ARFGAP2: variants seen among roughly 807,000 people sequenced by gnomAD.
The protein encoded by ARFGAP2 is ARF GTPase activating protein 2.
Under a neutral mutation model 71.9 loss-of-function variants are expected in ARFGAP2, and 45 were observed. The observed-to-expected ratio is 0.63, with a 90% confidence interval of 0.49 to 0.80. The LOEUF (loss-of-function observed/expected upper bound fraction) is 0.80, where lower values mean the gene tolerates loss of function less well. Ranked by LOEUF, ARFGAP2 falls within the 30% of genes least tolerant of loss-of-function variation. The pLI, the probability that ARFGAP2 is intolerant of heterozygous loss-of-function variation, is 0.00. For missense variants in ARFGAP2, 633 were observed against 673.9 expected (o/e 0.94, Z 0.67); for synonymous variants, 248 against 249.2 (o/e 1.00, Z 0.05).
intron 13 of ARFGAP2, 55 bp downstream of exon 13, chr11:47,166,704 GA>G (rs1952394019): frequency 6.2e-7 from 1 of 1,601,868 alleles, no homozygotes; most frequent in African/African-American, 1.3e-5. Context: ...GCGGCAGGGA[GA>G]AAGCTCATGC....
In ARFGAP2 at chr11:47,165,608, GGAGGCAGGGGCTGGACAGCCCGGT is replaced by G; in HGVS notation, c.1546-130_1546-107del. On this transcript the variant is annotated intron_variant, in intron 15 of 15. Coordinates refer to ENST00000524782, the MANE Select transcript of ARFGAP2 (RefSeq NM_032389.6). The stretch of plus-strand genomic sequence containing the variant: ...CCCCAGCACCCCACAGCAAGACTGG[GGAGGCAGGGGCTGGACAGCCCGGT>G]GAGGCAGGAGTCCACGGTGAGAGCT... 10 of 1,289,144 alleles carry G rather than the reference GGAGGCAGGGGCTGGACAGCCCGGT, an allele frequency of 7.8e-6. No homozygotes were observed. In the South Asian group the frequency reaches 1.4e-4, roughly 18 times the overall value. The allele number at this position is 1,289,144 out of a possible 1,614,324, so 79.9% of individuals were successfully genotyped here. A position where few individuals can be genotyped will look rare whatever the true frequency, so the allele number is the denominator to read the frequency against.
At chr11:47,165,539 A>T in intron 15 of ARFGAP2, 37 bp from the exon 16 acceptor site, 1 of 1,534,800 alleles carries the variant, frequency 6.5e-7, no homozygotes, top group Non-Finnish European at 8.7e-7. Flanking sequence ...AAAAAAAGTC[A>T]GAGGCTCTAA....
At position 47,176,704 on chromosome 11, in the gene ARFGAP2, A is replaced by T. The variant is rs560636654; in HGVS notation, c.73-70T>A. 221 of 1,611,346 alleles carry T rather than the reference A, an allele frequency of 1.4e-4. 1 individual carries two copies. In the South Asian group the frequency reaches 2.3e-3, roughly 17 times the overall value. ...AAGGCCAGGCACCGACACCCCAGAAACATAACCCACCTCCGCCCTTCTCCC... is the reference window on the plus strand; with the variant it reads ...AAGGCCAGGCACCGACACCCCAGAATCATAACCCACCTCCGCCCTTCTCCC... On this transcript the variant is annotated intron_variant, in intron 1 of 15. Transcript: ENST00000524782.
intron 13 of ARFGAP2, 72 bp from the exon 14 acceptor site, chr11:47,166,671 T>G (rs1301984197): frequency 1.2e-6 from 2 of 1,600,594 alleles, no homozygotes; most frequent in Middle Eastern, 1.7e-4. Flanking sequence ...GGCCAGGCCC[T>G]CCTGGTGCTA....
chr11:47,174,903 A>C, intron 5 of ARFGAP2, 112 bp downstream of exon 5: 1 of 1,158,588 alleles, frequency 8.6e-7, no homozygotes, highest in Non-Finnish European at 1.3e-6. Flanking sequence ...CGTGGTGTCC[A>C]AGACATCACA....
intron 7 of ARFGAP2, chr11:47,173,073 G>A (rs879870477): frequency 5.1e-6 from 2 of 392,190 alleles, no homozygotes; most frequent in African/African-American, 2.1e-5. Context: ...GCTCAGAGCT[G>A]TCCCTCCACC....
chr11:47,171,315 A>C, intron 10 of ARFGAP2, 111 bp downstream of exon 10: 3 of 1,512,290 alleles, frequency 2.0e-6, no homozygotes, highest in Non-Finnish European at 2.7e-6. Context: ...CAAGTGATCT[A>C]TTCAGACTTG....
At chr11:47,172,413 T>C in intron 7 of ARFGAP2, 80 bp from the exon 8 acceptor site, 8 of 1,497,922 alleles carry the variant, frequency 5.3e-6, no homozygotes, top group East Asian at 2.3e-5. Context: ...TGCAGCTTCA[T>C]GGCAAGAGCT....
chr11:47,166,695 C>A, intron 13 of ARFGAP2, 65 bp downstream of exon 13: 1 of 1,598,890 alleles, frequency 6.3e-7, no homozygotes, highest in Non-Finnish European at 8.5e-7. Flanking sequence ...CCCAAAGCAG[C>A]GGCAGGGAGA....
chr11:47,176,219 TAACAACATATC>T, intron 2 of ARFGAP2: 1 of 586,748 alleles, frequency 1.7e-6, no homozygotes, highest in Non-Finnish European at 3.0e-6. Context: ...CATACTGGTC[TAACAACATATC>T]AGCAACAACA....
chr11:47,176,524 G>A lies in ARFGAP2; in HGVS notation c.183C>T (p.Ser61=), dbSNP rs536434664. 117 of 1,613,484 alleles carry A rather than the reference G, an allele frequency of 7.3e-5. 2 individuals are homozygous for A. In the South Asian group the frequency reaches 1.2e-3, roughly 17 times the overall value. The change falls in exon 2 of 16, where the codon AGC becomes AGT. Residue 61 remains serine (S), a synonymous_variant. Coordinates refer to ENST00000524782, the MANE Select transcript of ARFGAP2 (RefSeq NM_032389.6). ...CCGCGCGGAGAGCCTACCTGATGAA[G>A]CTCAGATGGACGCCCAGGGAGCGGT... is the stretch of plus-strand genomic sequence containing the variant. ...GVHRSLGVHL[S]FIRSTELDSN...
intron 2 of ARFGAP2, chr11:47,176,249 G>A (rs1952815471): frequency 1.7e-6 from 1 of 588,860 alleles, no homozygotes; most frequent in South Asian, 2.1e-5. Flanking sequence ...CAAGGTCAAT[G>A]CCTCCCTTTC....
intron 14 of ARFGAP2, 50 bp from the exon 15 acceptor site, chr11:47,166,436 A>G (rs761615552): frequency 5.0e-6 from 8 of 1,610,770 alleles, no homozygotes; most frequent in African/African-American, 1.3e-5. Flanking sequence ...AGCCCTTCCC[A>G]GTCACAGCAG....
chr11:47,166,052 C>T (rs1374234603), intron 15 of ARFGAP2, among the ~76,000 whole-genome samples: 11 of 152,094 alleles, frequency 7.2e-5, no homozygotes, highest in African/African-American at 2.2e-4. Flanking sequence ...TTAGTAGAGA[C>T]GGGGTTTTGC....
chr11:47,176,275 C>G (rs1178711284), intron 2 of ARFGAP2: 1 of 594,198 alleles, frequency 1.7e-6, no homozygotes, highest in African/African-American at 1.9e-5. Flanking sequence ...AACTAACGCT[C>G]AGAGTCTCAA....
At chr11:47,171,304 C>A in intron 10 of ARFGAP2, 122 bp downstream of exon 10, 1 of 1,476,558 alleles carries the variant, frequency 6.8e-7, no homozygotes, top group Non-Finnish European at 9.1e-7. Context: ...GAACAATAAG[C>A]CAAGTGATCT....
intron 15 of ARFGAP2, among the ~76,000 whole-genome samples, chr11:47,166,000 G>A (rs190731179): frequency 3.6e-4 from 55 of 152,160 alleles, no homozygotes; most frequent in Non-Finnish European, 6.2e-4. Flanking sequence ...CGAGTAGCGG[G>A]ATTACAGGTG....
rs768731415 is a variant in ARFGAP2, at chr11:47,176,824, G to C, written c.30C>G (p.Ile10Met). 38 of 1,613,884 alleles carry C rather than the reference G, an allele frequency of 2.4e-5. No individual in the cohort carries two copies. Among genetic ancestry groups the C allele is most frequent in the Non-Finnish European group, 3.1e-5 (37 of 1,180,020 alleles). The stretch of plus-strand genomic sequence containing the variant: ...CGCGAAGCCTCTTAAAAAGAGTCTG[G>C]ATTTCGGTCTTGTTCGGCTCCGCCG... MAAEPNKTE[I>M]QTLFKRLRAV... Residue 10 changes from isoleucine (I) to methionine (M), a missense_variant, in exon 1 of 16, where the codon ATC becomes ATG. Transcript: ENST00000524782.
intron 10 of ARFGAP2, among the ~76,000 whole-genome samples, chr11:47,170,463 T>C (rs1049014788): frequency 2.0e-5 from 3 of 151,572 alleles, no homozygotes; most frequent in Non-Finnish European, 4.4e-5. Context: ...CTGGCCAACA[T>C]GGTGAAACCC....
Sources: gnomAD v4.1 joint callset for allele counts (sites outside exome capture counted in the v4.1 genomes callset) on GRCh38, gnomAD v4.1.1 for gene constraint, MANE v1.5 for transcripts, NCBI Gene and HGNC (gene_info 2026-07-23, HGNC 2026-07-21) for gene names.